Variants in DGKG observed in about 807,000 individuals in gnomAD.
The protein encoded by DGKG is DAG kinase gamma.
A neutral mutation model predicts 105.3 loss-of-function variants in DGKG; 78 were observed. The observed-to-expected ratio is 0.74, with a 90% confidence interval of 0.62 to 0.89. The LOEUF is 0.89. Among genes scored for constraint, DGKG ranks in the 40% least tolerant of loss-of-function variants. The pLI is 0.00. For synonymous variants in DGKG, 346 were observed against 367.1 expected (o/e 0.94, Z 0.66); for missense variants, 958 against 1,020.1 (o/e 0.94, Z 0.83).
intron 23 of DGKG, among the ~76,000 whole-genome samples, chr3:186,164,173 C>T (rs924329215): frequency 6.6e-5 from 10 of 152,220 alleles, no homozygotes; most frequent in South Asian, 2.1e-4. Flanking sequence ...GGACTCCTCT[C>T]GGAGATCCCC....
chr3:186,353,565 G>GTGTA (rs750492190), intron 1 of DGKG, among the ~76,000 whole-genome samples: 1 of 117,026 alleles, frequency 8.5e-6, no homozygotes, highest in African/African-American at 3.7e-5. Context: ...TTTTATGTAT[G>GTGTA]TATATATATA....
In DGKG at chr3:186,148,847, A is replaced by G. The variant is rs1412477795; in HGVS notation, c.*1243T>C. 1.0e-6 allele frequency: 1 copy of G among 984,820 alleles called. No individual in the cohort carries two copies. Among genetic ancestry groups the G allele is most frequent in the Non-Finnish European group, 1.2e-6 (1 of 829,728 alleles). 61.0% of individuals were successfully genotyped at this position (984,820 alleles called of 1,614,324 possible). ...CACCACAGGGAGATGCGTCCTGACA[A>G]TGAAACGGTGGAGTGGGGGAGTGAG... On this transcript the variant is annotated 3_prime_UTR_variant, in exon 25 of 25. Transcript: ENST00000265022.
At chr3:186,303,349 C>T (rs1214801760) in intron 3 of DGKG, among the ~76,000 whole-genome samples, 1 of 152,148 alleles carries the variant, frequency 6.6e-6, no homozygotes, top group East Asian at 1.9e-4. Context: ...ACATCCCAGG[C>T]ACACTCATGG....
At chr3:186,353,586 TATATAC>T (rs1242063057) in intron 1 of DGKG, among the ~76,000 whole-genome samples, 3,885 of 142,658 alleles carry the variant, frequency 0.027, 169 homozygotes, top group African/African-American at 0.088. Context: ...TATATATATA[TATATAC>T]ACACACACAC....
rs1430462229 is a variant in DGKG at position 186,194,663 on chromosome 3, C to T, written c.1918-6284G>A. 9.7e-4 allele frequency among the ~76,000 whole-genome samples: 147 copies of T among 152,218 alleles called. 1 individual carries two copies. The highest frequency in any genetic ancestry group is 1.3e-4 in the Non-Finnish European group (9 of 68,012). ...CTCTCAGGAATGACCTCCACCAGGC[C>T]AGATCGGAGGTGGAAGCCAGGACTC... On this transcript the variant is annotated intron_variant, in intron 21 of 24. Coordinates refer to ENST00000265022, the MANE Select transcript of DGKG (RefSeq NM_001346.3).
chr3:186,305,821 A>G (rs1246096521), intron 3 of DGKG, among the ~76,000 whole-genome samples: 2 of 152,192 alleles, frequency 1.3e-5, no homozygotes, highest in African/African-American at 2.4e-5. Context: ...TGATGACTGC[A>G]TAGTTTCAGG....
rs1352673652 is a variant in DGKG at position 186,297,066 on chromosome 3, T to TCACACACACACACACA, written c.373+354_373+355insTGTGTGTGTGTGTGTG. ...CTCTCTCTGTCTGTCTGTCTGTCTC[T>TCACACACACACACACA]CTCACACACACACACACACACACAC... On this transcript the variant is annotated intron_variant, in intron 5 of 24. Coordinates refer to ENST00000265022, the MANE Select transcript of DGKG (RefSeq NM_001346.3). Among the ~76,000 whole-genome samples the TCACACACACACACACA allele has an allele frequency of 8.3e-3, 1,030 of 123,574 alleles. 14 individuals are homozygous for TCACACACACACACACA. The highest frequency in any genetic ancestry group is 0.018 in the Admixed American group (221 of 12,350). The allele number at this position is 123,574 out of a possible 152,430, so 81.1% of individuals were successfully genotyped here. A position where few individuals can be genotyped will look rare whatever the true frequency, so the allele number is the denominator to read the frequency against.
intron 1 of DGKG, among the ~76,000 whole-genome samples, chr3:186,338,763 G>A (rs1400125500): frequency 6.6e-6 from 1 of 151,696 alleles, no homozygotes; most frequent in Non-Finnish European, 1.5e-5. Context: ...TTTTTTTCTG[G>A]CACAACTCAA....
chr3:186,233,109 C>A (rs906299233), intron 20 of DGKG, among the ~76,000 whole-genome samples: 1 of 152,024 alleles, frequency 6.6e-6, no homozygotes, highest in African/African-American at 2.4e-5. Flanking sequence ...GGCAAAGGGG[C>A]GAAGGGGGAA....
Position 186,288,857 on chromosome 3 carries a change from C to T in DGKG, c.397G>A (p.Ala133Thr). 1 of 1,587,742 alleles carries T rather than the reference C, an allele frequency of 6.3e-7. No homozygotes were observed. The highest frequency in any genetic ancestry group is 8.6e-7 in the Non-Finnish European group (1 of 1,168,988). Residue 133 changes from alanine to threonine, a missense_variant, in exon 6 of 25, where the codon GCA (alanine) becomes ACA (threonine). Transcript: ENST00000265022. The part of the protein sequence containing the change: ...DTESNMAEKQ[A>T]PAEDQVAATP... ...GCAGCCACTTGGTCTTCAGCTGGTG[C>T]TTGCTTCTCAGCCATATTTGATTCT...
chr3:186,190,021 C>T (rs949638667), intron 21 of DGKG, among the ~76,000 whole-genome samples: 1 of 152,194 alleles, frequency 6.6e-6, no homozygotes, highest in African/African-American at 2.4e-5. Flanking sequence ...ATACACATCT[C>T]ATTTATTATC....
intron 1 of DGKG, among the ~76,000 whole-genome samples, chr3:186,338,020 A>G (rs1175627901): frequency 6.6e-6 from 1 of 152,014 alleles, no homozygotes; most frequent in Non-Finnish European, 1.5e-5. Context: ...AATTTTAAAA[A>G]TGAGCTGGGT....
chr3:186,280,059 C>A, intron 8 of DGKG, 86 bp from the exon 9 acceptor site: 2 of 1,545,322 alleles, frequency 1.3e-6, no homozygotes, highest in East Asian at 4.5e-5. Context: ...GTTCATCTTG[C>A]ATTATCTGGT....
At chr3:186,209,017 CAT>C (rs1718886818) in intron 21 of DGKG, among the ~76,000 whole-genome samples, 1 of 150,986 alleles carries the variant, frequency 6.6e-6, no homozygotes, top group African/African-American at 2.4e-5. Flanking sequence ...CATATTAGGA[CAT>C]GTTATGGTCG....
intron 22 of DGKG, among the ~76,000 whole-genome samples, chr3:186,168,651 A>T (rs1354884633): frequency 6.6e-6 from 1 of 152,106 alleles, no homozygotes; most frequent in Non-Finnish European, 1.5e-5. Context: ...GTTCAAGACC[A>T]GCCTGGCCAA....
intron 22 of DGKG, among the ~76,000 whole-genome samples, chr3:186,178,286 G>A (rs1717188588): frequency 6.6e-6 from 1 of 152,228 alleles, no homozygotes; most frequent in Non-Finnish European, 1.5e-5. Flanking sequence ...CATTCAGGCT[G>A]TGCAGAGCAT....
chr3:186,354,934 T>C (rs1726836586), intron 1 of DGKG, among the ~76,000 whole-genome samples: 1 of 152,124 alleles, frequency 6.6e-6, no homozygotes, highest in Admixed American at 6.5e-5. Flanking sequence ...AGATGTTCTC[T>C]TGGCTCCTTC....
At chr3:186,160,433 C>T in intron 24 of DGKG, 1 of 985,370 alleles carries the variant, frequency 1.0e-6, no homozygotes, top group African/African-American at 1.7e-5. Context: ...CTCTATGCGT[C>T]CTAACTCCAG....
intron 21 of DGKG, among the ~76,000 whole-genome samples, chr3:186,211,151 G>C (rs1428274303): frequency 6.6e-6 from 1 of 152,234 alleles, no homozygotes; most frequent in Admixed American, 6.5e-5. Flanking sequence ...TACATAATTT[G>C]CGGGGCCTAG....
Sources: allele counts gnomAD v4.1 joint callset (sites outside exome capture counted in the v4.1 genomes callset), GRCh38; gene constraint gnomAD v4.1.1; transcripts MANE v1.5; gene names NCBI Gene and HGNC (gene_info 2026-07-23, HGNC 2026-07-21).